RBM20: variants seen among roughly 807,000 people sequenced by gnomAD.
RBM20 encodes the protein RNA binding motif protein 20, also known as RNA-binding protein 20.
A neutral mutation model predicts 110.1 loss-of-function variants in RBM20; 51 were observed. That is an observed-to-expected ratio of 0.46 (90% CI 0.37 to 0.59). The LOEUF is 0.59. Among genes scored for constraint, RBM20 ranks in the 20% least tolerant of loss-of-function variants. RBM20 has a pLI of 0.00. For missense variants in RBM20, 1,512 were observed against 1,574.9 expected (o/e 0.96, Z 0.68); for synonymous variants, 589 against 618.2 (o/e 0.95, Z 0.70).
chr10:110,787,398 G>A (rs1844432237), intron 5 of RBM20, among the ~76,000 whole-genome samples: 1 of 152,202 alleles, frequency 6.6e-6, no homozygotes, highest in African/African-American at 2.4e-5. Context: ...AGTAACCATG[G>A]CTGTTCTTGA....
chr10:110,829,923 C>A (rs1314697968), intron 12 of RBM20, among the ~76,000 whole-genome samples: 3 of 152,216 alleles, frequency 2.0e-5, no homozygotes, highest in African/African-American at 7.2e-5. Context: ...TGCCCCGCAG[C>A]CTGCAAGTGG....
intron 1 of RBM20, among the ~76,000 whole-genome samples, chr10:110,656,970 G>C (rs1862034753): frequency 6.6e-6 from 1 of 150,792 alleles, no homozygotes; most frequent in Non-Finnish European, 1.5e-5. Flanking sequence ...TCTGTTTTTG[G>C]TTCTTTTGGG....
Position 110,821,633 on chromosome 10 carries a change from A to G in RBM20, c.3014A>G (p.Asp1005Gly), listed in dbSNP as rs1444998975. The G allele has an allele frequency of 2.6e-6, 4 of 1,551,726 alleles. No individual in the cohort carries two copies. In the East Asian group the frequency reaches 7.3e-5, roughly 28 times the overall value. ...GTGGAAATGCCTGGCCTAAATCTGG[A>G]TGCTGAGCGGAAGCCAGCTGAAAGT... ...MDVEMPGLNL[D>G]AERKPAESET... Residue 1005 changes from aspartate (D) to glycine (G), a missense_variant, in exon 11 of 14, where the codon GAT becomes GGT. This residue lies in a region of RBM20 where 358 missense variants were observed against 384.2 expected (regional missense o/e 0.93). Coordinates refer to ENST00000369519, the MANE Select transcript of RBM20 (RefSeq NM_001134363.3).
At chr10:110,774,016 G>C (rs776781567) in intron 1 of RBM20, among the ~76,000 whole-genome samples, 1 of 152,120 alleles carries the variant, frequency 6.6e-6, no homozygotes, top group African/African-American at 2.4e-5. Context: ...TTTAATGAAC[G>C]TGTAAACAGA....
intron 1 of RBM20, among the ~76,000 whole-genome samples, chr10:110,721,192 T>C (rs1340220669): frequency 2.0e-5 from 3 of 152,212 alleles, no homozygotes; most frequent in African/African-American, 7.2e-5. Flanking sequence ...GCCTGACACA[T>C]TATACATTTA....
intron 1 of RBM20, among the ~76,000 whole-genome samples, chr10:110,655,156 CACTT>C (rs1473574626): frequency 8.5e-5 from 13 of 152,266 alleles, no homozygotes; most frequent in African/African-American, 2.9e-4. Context: ...GAAAATCCAT[CACTT>C]ACAAGAAAAT....
intron 1 of RBM20, among the ~76,000 whole-genome samples, chr10:110,710,540 C>T (rs1315718826): frequency 6.6e-6 from 1 of 152,242 alleles, no homozygotes; most frequent in Non-Finnish European, 1.5e-5. Flanking sequence ...AGTTCTCTGC[C>T]TCCCAGTTAA....
chr10:110,726,502 C>A (rs1346739161), intron 1 of RBM20, among the ~76,000 whole-genome samples: 3 of 152,200 alleles, frequency 2.0e-5, no homozygotes, highest in Non-Finnish European at 4.4e-5. Context: ...TGATTAACCC[C>A]AGTTCCTCTA....
chr10:110,807,788 A>G (rs1844713931), intron 7 of RBM20, among the ~76,000 whole-genome samples: 1 of 152,206 alleles, frequency 6.6e-6, no homozygotes, highest in African/African-American at 2.4e-5. Flanking sequence ...TTACAACAGA[A>G]AGCTCCCCAT....
intron 1 of RBM20, among the ~76,000 whole-genome samples, chr10:110,666,355 C>T (rs1862178998): frequency 6.6e-6 from 1 of 152,052 alleles, no homozygotes; most frequent in Admixed American, 6.6e-5. Context: ...TTAAAAATCA[C>T]CTGGGGGCTG....
chr10:110,648,714 A>AGCG lies in RBM20; in HGVS notation c.191+4070_191+4071insCGG, dbSNP rs1554886880. 2.7e-3 allele frequency among the ~76,000 whole-genome samples: 391 copies of AGCG among 145,980 alleles called. 2 individuals are homozygous for AGCG. Among genetic ancestry groups the AGCG allele is most frequent in the East Asian group, 0.02 (102 of 5,168 alleles). On this transcript the variant is annotated intron_variant, in intron 1 of 13. Transcript: ENST00000369519. ...AGCCTTTACCCCAACAGGGAAGAAA[A>AGCG]GGGGGGGGTGCTATTTTCTTAGCAG...
intron 13 of RBM20, chr10:110,835,625 A>G: frequency 3.3e-6 from 1 of 302,544 alleles, no homozygotes; most frequent in Non-Finnish European, 6.1e-6. Flanking sequence ...GTGAGACACC[A>G]CGCTCGGCCT....
intron 1 of RBM20, among the ~76,000 whole-genome samples, chr10:110,732,934 A>G (rs1843633978): frequency 6.6e-6 from 1 of 152,180 alleles, no homozygotes; most frequent in Non-Finnish European, 1.5e-5. Flanking sequence ...CTCAGTGACC[A>G]ATATCATCAG....
At chr10:110,833,191 C>T (rs1228925932) in intron 13 of RBM20, among the ~76,000 whole-genome samples, 1 of 151,922 alleles carries the variant, frequency 6.6e-6, no homozygotes, top group Non-Finnish European at 1.5e-5. Flanking sequence ...GAATTCGAGA[C>T]CAGCCTGACC....
At chr10:110,782,259 A>T (rs545891590) in intron 2 of RBM20, among the ~76,000 whole-genome samples, 38 of 152,196 alleles carry the variant, frequency 2.5e-4, no homozygotes, top group African/African-American at 8.9e-4. Context: ...GAGTACCCAT[A>T]TTGTAGTGAG....
chr10:110,713,108 A>C (rs1862961453), intron 1 of RBM20, among the ~76,000 whole-genome samples: 1 of 152,120 alleles, frequency 6.6e-6, no homozygotes, highest in Admixed American at 6.5e-5. Flanking sequence ...TAGGGCTTTT[A>C]GTGTGAGAAT....
intron 7 of RBM20, among the ~76,000 whole-genome samples, chr10:110,808,211 A>G (rs933274974): frequency 5.9e-5 from 9 of 152,194 alleles, no homozygotes; most frequent in African/African-American, 1.9e-4. Flanking sequence ...CCAAGTGACA[A>G]CCGACCCTGG....
chr10:110,813,043 A>C, intron 9 of RBM20, 96 bp downstream of exon 9: 1 of 876,738 alleles, frequency 1.1e-6, no homozygotes. Context: ...TGAATGAATG[A>C]ACATTTACTG....
intron 5 of RBM20, among the ~76,000 whole-genome samples, chr10:110,785,982 T>C (rs1480767981): frequency 6.6e-6 from 1 of 152,194 alleles, no homozygotes; most frequent in Non-Finnish European, 1.5e-5. Flanking sequence ...TGCTGTATGA[T>C]GTTTTTGTTT....
Sources: allele counts gnomAD v4.1 joint callset (sites outside exome capture counted in the v4.1 genomes callset), GRCh38; gene constraint gnomAD v4.1.1; regional missense constraint gnomAD v4.1.1; transcripts MANE v1.5; gene names NCBI Gene and HGNC (gene_info 2026-07-23, HGNC 2026-07-21).